Variants in STIM2 observed in about 807,000 individuals in gnomAD.
The protein encoded by STIM2 is stromal interaction molecule 2.
STIM2 carries 31 observed loss-of-function variants against 85.8 expected under a neutral mutation model. The observed-to-expected ratio is 0.36, with a 90% CI of 0.27 to 0.49. The LOEUF is 0.49. STIM2 is among the 20% of genes least tolerant of loss of function. The pLI, the probability that STIM2 is intolerant of heterozygous loss-of-function variation, is 0.98. For synonymous variants in STIM2, 356 were observed against 331.1 expected (o/e 1.08, Z -0.82); for missense variants, 841 against 927.6 (o/e 0.91, Z 1.21).
chr4:27,002,417 T>G (rs771372438), intron 6 of STIM2, 23 bp downstream of exon 6: 1 of 1,563,282 alleles, frequency 6.4e-7, no homozygotes, highest in Non-Finnish European at 8.6e-7. Context: ...AAATCATAAC[T>G]CATTTATGTA....
At chr4:27,014,377 C>A (rs554541129) in intron 10 of STIM2, among the ~76,000 whole-genome samples, 32 of 151,882 alleles carry the variant, frequency 2.1e-4, no homozygotes, top group African/African-American at 7.5e-4. Context: ...TGATTATGAT[C>A]ATCAAATATT....
At chr4:26,927,881 TATATA>T (rs1348677451) in intron 2 of STIM2, among the ~76,000 whole-genome samples, 2 of 146,598 alleles carry the variant, frequency 1.4e-5, no homozygotes, top group Non-Finnish European at 3.0e-5. Context: ...TATATATTAA[TATATA>T]ATATAAATAT....
At chr4:26,943,527 G>A (rs7658174) in intron 2 of STIM2, among the ~76,000 whole-genome samples, 86,892 of 151,948 alleles carry the variant, frequency 0.57, 25,369 homozygotes, top group East Asian at 0.73. Flanking sequence ...CTTGCTTTCC[G>A]CAGTGACAAA....
intron 3 of STIM2, among the ~76,000 whole-genome samples, chr4:26,974,019 G>T: frequency 6.6e-6 from 1 of 152,014 alleles, no homozygotes; most frequent in Non-Finnish European, 1.5e-5. Context: ...GATTTTTCTT[G>T]GTTTAAAGTC....
At position 26,985,472 on chromosome 4, in the gene STIM2, A is replaced by G. The variant is rs557890307; in HGVS notation, c.398-9907A>G. Among the ~76,000 whole-genome samples, 63 of 152,310 alleles carry G rather than the reference A, an allele frequency of 4.1e-4. No individual in the cohort carries two copies. The East Asian group carries it at 0.011, about 27-fold the overall frequency. On this transcript the variant is annotated intron_variant, in intron 3 of 11. Transcript: ENST00000467087. ...TTTTAGAATATGGTATTTTATATAA[A>G]CATTCCAATAACACAAATATTTTTC...
intron 1 of STIM2, among the ~76,000 whole-genome samples, chr4:26,918,064 A>C (rs1238768167): frequency 6.6e-6 from 1 of 152,118 alleles, no homozygotes; most frequent in African/African-American, 2.4e-5. Context: ...CACAGAACTT[A>C]TAATTGCATT....
chr4:27,009,832 A>G (rs1398288540), intron 10 of STIM2, among the ~76,000 whole-genome samples: 1 of 152,234 alleles, frequency 6.6e-6, no homozygotes, highest in Non-Finnish European at 1.5e-5. Context: ...AGCTTGCCAA[A>G]TGCAACACTG....
intron 11 of STIM2, chr4:27,019,373 T>C: frequency 8.0e-7 from 1 of 1,255,572 alleles, no homozygotes; most frequent in Non-Finnish European, 1.0e-6. Context: ...TAACACTTTA[T>C]GACTAGCTTT....
chr4:26,971,508 C>T (rs1357957593), intron 3 of STIM2, among the ~76,000 whole-genome samples: 2 of 152,208 alleles, frequency 1.3e-5, no homozygotes, highest in Non-Finnish European at 2.9e-5. Context: ...GGAAGCCTTT[C>T]TCCATTTCTT....
chr4:26,932,562 A>AT (rs1725242916), intron 2 of STIM2, among the ~76,000 whole-genome samples: 2 of 152,158 alleles, frequency 1.3e-5, no homozygotes, highest in South Asian at 4.1e-4. Flanking sequence ...CATTTATTAA[A>AT]TTTTTCATGG....
At chr4:26,891,895 A>G (rs1443379289) in intron 1 of STIM2, among the ~76,000 whole-genome samples, 2 of 152,180 alleles carry the variant, frequency 1.3e-5, no homozygotes, top group Non-Finnish European at 2.9e-5. Context: ...CCCAAGTCTC[A>G]TCTTGCGGCT....
At position 27,002,253 on chromosome 4, in the gene STIM2, C is replaced by T; in HGVS notation, c.662C>T (p.Thr221Ile). Residue 221 changes from threonine (T) to isoleucine (I), a missense_variant, in exon 6 of 12, where the codon ACA (threonine) becomes ATA (isoleucine). This residue lies in a region of STIM2 where 408 missense variants were observed against 525.4 expected (regional missense o/e 0.78). Coordinates refer to ENST00000467087, the MANE Select transcript of STIM2 (RefSeq NM_020860.4). ...AACTGGATGAAAGATTTTATCCTCA[C>T]AGTTTCTATAGTAATTGGTGTTGGA... 4 of 1,611,414 alleles carry T rather than the reference C, an allele frequency of 2.5e-6. No homozygotes were observed. The highest frequency in any genetic ancestry group is 3.4e-6 in the Non-Finnish European group (4 of 1,179,258).
chr4:26,948,643 C>T (rs10030655), intron 2 of STIM2, among the ~76,000 whole-genome samples: 37,821 of 152,004 alleles, frequency 0.25, 4,739 homozygotes, highest in East Asian at 0.32. Flanking sequence ...TATGATAAGG[C>T]AGTTTATTTT....
intron 3 of STIM2, among the ~76,000 whole-genome samples, chr4:26,970,228 TATATATATATATATATATGTATG>T (rs1726891496): frequency 1.7e-5 from 1 of 58,616 alleles, no homozygotes; most frequent in African/African-American, 4.8e-5. Flanking sequence ...TATATGTATA[TATATATATATATATATATGTATG>T]TATTTTTTTA....
intron 1 of STIM2, among the ~76,000 whole-genome samples, chr4:26,863,758 G>A (rs1411657245): frequency 6.6e-6 from 1 of 152,104 alleles, no homozygotes; most frequent in Non-Finnish European, 1.5e-5. Context: ...TTTGAAAATT[G>A]AAAATTTTTG....
chr4:26,953,506 G>T (rs1206551830), intron 2 of STIM2, among the ~76,000 whole-genome samples: 1 of 152,072 alleles, frequency 6.6e-6, no homozygotes, highest in Non-Finnish European at 1.5e-5. Flanking sequence ...CAGGTTTTGA[G>T]TATATGTCAG....
intron 3 of STIM2, among the ~76,000 whole-genome samples, chr4:26,970,555 C>T (rs1447636556): frequency 6.6e-6 from 1 of 152,054 alleles, no homozygotes; most frequent in East Asian, 1.9e-4. Context: ...GCATCCATGT[C>T]CCTGCAAAGG....
At chr4:26,909,157 A>C (rs926512045) in intron 1 of STIM2, among the ~76,000 whole-genome samples, 1 of 152,168 alleles carries the variant, frequency 6.6e-6, no homozygotes, top group Non-Finnish European at 1.5e-5. Flanking sequence ...ATTTCAGGAG[A>C]CTTAGCATTG....
At chr4:26,931,276 T>C (rs937393434) in intron 2 of STIM2, among the ~76,000 whole-genome samples, 1 of 152,102 alleles carries the variant, frequency 6.6e-6, no homozygotes, top group African/African-American at 2.4e-5. Flanking sequence ...TTTGCTGTAT[T>C]CTACTCATGG....
Sources: gnomAD v4.1 joint callset for allele counts (sites outside exome capture counted in the v4.1 genomes callset) on GRCh38, gnomAD v4.1.1 for gene constraint, gnomAD v4.1.1 regional missense constraint, MANE v1.5 for transcripts, NCBI Gene and HGNC (gene_info 2026-07-23, HGNC 2026-07-21) for gene names.